The following FGF13 variants were observed in gnomAD, a reference collection of about 807,000 sequenced individuals.
The protein encoded by FGF13 is fibroblast growth factor homologous factor 2.
Under a neutral mutation model 19.5 loss-of-function variants are expected in FGF13, and 2 were observed. The ratio of observed to expected loss-of-function variants is 0.10; its 90% CI spans 0.04 to 0.32. FGF13 has a LOEUF of 0.32. Among genes scored for constraint, FGF13 ranks in the 10% least tolerant of loss-of-function variants. The probability of loss-of-function intolerance (pLI) is 1.00; values close to 1 mark genes in which losing one functional copy is unlikely to be tolerated. For synonymous variants in FGF13, 72 were observed against 76.9 expected (o/e 0.94, Z 0.33); for missense variants, 113 against 192.7 (o/e 0.59, Z 2.45).
chrX:138,778,630 G>A (rs867574630), intron 3 of FGF13, among the ~76,000 whole-genome samples: 5 of 112,267 alleles, frequency 4.5e-5, no homozygotes, highest in South Asian at 3.7e-4. Context: ...ACGGCACACC[G>A]GGAGAATATA....
intron 1 of FGF13, among the ~76,000 whole-genome samples, chrX:138,912,356 AAGACTCAACCATTG>A (rs1429310528): frequency 1.8e-5 from 2 of 111,824 alleles, no homozygotes; most frequent in Non-Finnish European, 3.8e-5. Flanking sequence ...GAAACAGGGA[AAGACTCAACCATTG>A]AGATGTTAAA....
chrX:138,819,663 A>T (rs2124061473), intron 3 of FGF13, among the ~76,000 whole-genome samples: 1 of 111,966 alleles, frequency 8.9e-6, no homozygotes, highest in South Asian at 3.7e-4. Context: ...ATATGGAAGT[A>T]TTGGTGGCCA....
In FGF13 at chrX:138,618,817, T is replaced by G. The variant is rs773796036; in HGVS notation, c.*14033A>C. ...ACTCTCAGAATTTGGTTTGGTTTTATGAAATTAAGAAAATACAGATGATCT... is the reference window on the plus strand; with the variant it reads ...ACTCTCAGAATTTGGTTTGGTTTTAGGAAATTAAGAAAATACAGATGATCT... On this transcript the variant is annotated 3_prime_UTR_variant, in exon 5 of 5. Transcript: ENST00000315930. 5 of 112,020 alleles carry G rather than the reference T, an allele frequency of 4.5e-5. No individual in the cohort carries two copies. The South Asian group carries it at 1.9e-3, about 42-fold the overall frequency. 9.2% of individuals were successfully genotyped at this position (112,020 alleles called of 1,213,427 possible). A position where few individuals can be genotyped will look rare whatever the true frequency, so the allele number is the denominator to read the frequency against.
intron 1 of FGF13, among the ~76,000 whole-genome samples, chrX:139,165,953 T>C (rs1459999695): frequency 8.9e-6 from 1 of 112,031 alleles, no homozygotes; most frequent in East Asian, 2.8e-4. Flanking sequence ...ACTAACTTGC[T>C]TTTGATTTTA....
chrX:138,891,835 G>A (rs1045972225), intron 1 of FGF13, among the ~76,000 whole-genome samples: 10 of 110,415 alleles, frequency 9.1e-5, no homozygotes, highest in African/African-American at 3.0e-4. Flanking sequence ...TCTTTCTTCC[G>A]TGCTGGATGC....
intron 1 of FGF13, among the ~76,000 whole-genome samples, chrX:138,999,779 C>T (rs1379237916): frequency 4.5e-5 from 5 of 111,999 alleles, no homozygotes; most frequent in African/African-American, 1.6e-4. Flanking sequence ...TGGTACCATT[C>T]CTTCTGAAAC....
chrX:138,620,226 A>G lies in FGF13; in HGVS notation c.*12624T>C, dbSNP rs2089003818. On this transcript the variant is annotated 3_prime_UTR_variant, in exon 5 of 5. Transcript: ENST00000315930. ...CAAGCTATTGCAGGAACAGAAAACC[A>G]AACACTGCGTATTCTCACTTATAAG... is the stretch of plus-strand genomic sequence containing the variant. 9.0e-6 allele frequency: 1 copy of G among 111,428 alleles called. No individual in the cohort carries two copies. Among genetic ancestry groups the G allele is most frequent in the Non-Finnish European group, 1.9e-5 (1 of 53,096 alleles). The allele number at this position is 111,428 out of a possible 1,213,427, so 9.2% of individuals were successfully genotyped here.
At chrX:139,199,305 T>G (rs7887391) in intron 1 of FGF13, among the ~76,000 whole-genome samples, 1 of 109,432 alleles carries the variant, frequency 9.1e-6, no homozygotes, top group Admixed American at 9.5e-5. Context: ...ACATGGTTTT[T>G]CCCCCCTCCT....
rs778948499 is a variant in FGF13 at position 138,689,094 on chromosome X, G to C, written c.402+13890C>G. 1.1e-4 allele frequency among the ~76,000 whole-genome samples: 12 copies of C among 111,825 alleles called. No individual in the cohort carries two copies. In the South Asian group the frequency reaches 1.1e-3, roughly 11 times the overall value. Reference sequence around the variant, plus strand: ...TGTTGAACCCTGAGGGCAGAGGCTAGTCAGAATTTCAGAGAATACTAAAAA... The same window carrying C: ...TGTTGAACCCTGAGGGCAGAGGCTACTCAGAATTTCAGAGAATACTAAAAA... On this transcript the variant is annotated intron_variant, in intron 3 of 4. Coordinates refer to ENST00000315930, the MANE Select transcript of FGF13 (RefSeq NM_004114.5).
chrX:139,129,181 ATG>A (rs567529252), intron 1 of FGF13, among the ~76,000 whole-genome samples: 24 of 87,090 alleles, frequency 2.8e-4, no homozygotes, highest in South Asian at 9.6e-4. Context: ...ACACACACAC[ATG>A]TGTGTGTGTG....
intron 3 of FGF13, among the ~76,000 whole-genome samples, chrX:138,768,452 A>G (rs933632142): frequency 9.1e-6 from 1 of 109,599 alleles, no homozygotes; most frequent in Non-Finnish European, 1.9e-5. Context: ...GGTGCTGGTA[A>G]TGTTCTACTT....
Position 138,969,125 on chromosome X carries a change from C to G in FGF13, c.-112-104475G>C, listed in dbSNP as rs184283621. Among the ~76,000 whole-genome samples the G allele has an allele frequency of 1.1e-4, 12 of 111,749 alleles. No individual in the cohort carries two copies. In the East Asian group the frequency reaches 3.4e-3, roughly 32 times the overall value. ...ACAGGAGTTTGGGCTTTATTCTGCA[C>G]AGACAATGGAGAGTGACTGAAAAAC... On this transcript the variant is annotated intron_variant, in intron 1 of 2. Coordinates refer to the FGF13 transcript ENST00000421460.
intron 1 of FGF13, among the ~76,000 whole-genome samples, chrX:139,100,061 C>CACAT (rs1349929944): frequency 2.8e-4 from 30 of 107,576 alleles, no homozygotes; most frequent in African/African-American, 1.0e-3. Flanking sequence ...CACACACACA[C>CACAT]ACACACACAC....
At chrX:139,107,295 T>C (rs2083567540) in intron 1 of FGF13, among the ~76,000 whole-genome samples, 1 of 111,984 alleles carries the variant, frequency 8.9e-6, no homozygotes, top group African/African-American at 3.2e-5. Context: ...TTAAGATGGC[T>C]TTCCCTGAAA....
chrX:138,635,864 GA>G (rs1300033074), intron 3 of FGF13, among the ~76,000 whole-genome samples: 1 of 112,123 alleles, frequency 8.9e-6, no homozygotes, highest in Non-Finnish European at 1.9e-5. Context: ...AGTCATAAGT[GA>G]AAGTGCTATT....
chrX:138,748,797 T>C (rs887313018), intron 3 of FGF13, among the ~76,000 whole-genome samples: 1 of 111,838 alleles, frequency 8.9e-6, no homozygotes, highest in African/African-American at 3.3e-5. Flanking sequence ...TTAACAATAT[T>C]GTATTGTATA....
At chrX:138,954,440 G>A (rs932726271) in intron 1 of FGF13, among the ~76,000 whole-genome samples, 1 of 111,511 alleles carries the variant, frequency 9.0e-6, no homozygotes, top group Non-Finnish European at 1.9e-5. Context: ...CTTACCAGTT[G>A]TGTGGCCTTA....
At position 138,720,651 on chromosome X, in the gene FGF13, C is replaced by T. The variant is rs367842507; in HGVS notation, c.29-11723G>A. ...AGCCCAAAGAGGGTGCAGCTAACTC[C>T]GTGGGCAGGAGGGCAGGAGGGCAGG... On this transcript the variant is annotated intron_variant, in intron 1 of 4. Coordinates refer to the FGF13 transcript ENST00000305414. 1.4e-4 allele frequency among the ~76,000 whole-genome samples: 16 copies of T among 111,321 alleles called. No homozygotes were observed. In the East Asian group the frequency reaches 3.7e-3, roughly 26 times the overall value.
chrX:139,160,584 T>C (rs995786741), intron 1 of FGF13, among the ~76,000 whole-genome samples: 2 of 111,403 alleles, frequency 1.8e-5, no homozygotes, highest in African/African-American at 6.5e-5. Context: ...ACAAAATAGA[T>C]AGACTGCTAG....
Sources: allele counts gnomAD v4.1 joint callset (sites outside exome capture counted in the v4.1 genomes callset), GRCh38; gene constraint gnomAD v4.1.1; transcripts MANE v1.5; gene names NCBI Gene and HGNC (gene_info 2026-07-23, HGNC 2026-07-21).